The following CELSR1 variants were observed in gnomAD, a reference collection of about 807,000 sequenced individuals.
CELSR1 encodes the protein adhesion G protein-coupled receptor C1.
CELSR1 carries 110 observed loss-of-function variants against 249.1 expected under a neutral mutation model. That is an observed-to-expected ratio of 0.44 (90% CI 0.38 to 0.52). The LOEUF is 0.52. CELSR1 is among the 20% of genes least tolerant of loss of function. The pLI is 0.00. For synonymous variants in CELSR1, 2,113 were observed against 1,900.0 expected (o/e 1.11, Z -2.92); for missense variants, 4,109 against 4,296.4 (o/e 0.96, Z 1.22).
Position 46,516,206 on chromosome 22 carries a change from C to T in CELSR1, c.3544+17421G>A, listed in dbSNP as rs1323774067. Among the ~76,000 whole-genome samples, 6 of 152,276 alleles carry T rather than the reference C, an allele frequency of 3.9e-5. No individual in the cohort carries two copies. The East Asian group carries it at 1.2e-3, about 29-fold the overall frequency. ...ACAATAGCAAAGACTTGGAACCAACCCAAATGTCCACCAATGATAGACTGG... is the reference window on the plus strand; with the variant it reads ...ACAATAGCAAAGACTTGGAACCAACTCAAATGTCCACCAATGATAGACTGG... On this transcript the variant is annotated intron_variant, in intron 1 of 34. Coordinates refer to ENST00000674500, the MANE Select transcript of CELSR1 (RefSeq NM_001378328.1).
At chr22:46,432,200 C>T (rs893781760) in intron 5 of CELSR1, among the ~76,000 whole-genome samples, 17 of 152,092 alleles carry the variant, frequency 1.1e-4, no homozygotes, top group Non-Finnish European at 1.6e-4. Context: ...ATGGGAGGGG[C>T]GGGCCAGGGA....
chr22:46,522,311 A>G (rs927438433), intron 1 of CELSR1, among the ~76,000 whole-genome samples: 2 of 151,706 alleles, frequency 1.3e-5, no homozygotes, highest in Non-Finnish European at 2.9e-5. Context: ...TATTTTGTAT[A>G]TTTTTTTGGT....
chr22:46,433,488 G>A lies in CELSR1; in HGVS notation c.4523-7C>T, dbSNP rs746233665. ...ACGGTCGTTGTTGTCTCGCCTGCAT[G>A]GTGGGAGGGAGACCCAGAGAGAAAA... On this transcript the variant is annotated splice_polypyrimidine_tract_variant and splice_region_variant and intron_variant, in intron 4 of 34. Transcript: ENST00000674500. The surrounding 1 kb of genome is among the most constrained non-coding windows in gnomAD (Gnocchi z 5.7). 2 of 1,612,072 alleles carry A rather than the reference G, an allele frequency of 1.2e-6. No homozygotes were observed. The highest frequency in any genetic ancestry group is 1.7e-6 in the Non-Finnish European group (2 of 1,178,628).
rs2079273855 is a variant in CELSR1, at chr22:46,406,968, A to G, written c.5226+2028T>C. Among the ~76,000 whole-genome samples the G allele has an allele frequency of 6.6e-6, 1 of 152,166 alleles. No individual in the cohort carries two copies. Among genetic ancestry groups the G allele is most frequent in the Non-Finnish European group, 1.5e-5 (1 of 68,028 alleles). Reference sequence around the variant, plus strand: ...TGATGGCGGAGGACACGCAGCCCAGACGCCGCTTTGGGAGGGACTTCCTGA... The same window carrying G: ...TGATGGCGGAGGACACGCAGCCCAGGCGCCGCTTTGGGAGGGACTTCCTGA... On this transcript the variant is annotated intron_variant, in intron 9 of 34. Transcript: ENST00000674500. This position sits in a 1 kb window ranked among gnomAD's most constrained non-coding sequence, Gnocchi z 5.4.
chr22:46,478,248 A>G (rs2147651309), intron 1 of CELSR1, among the ~76,000 whole-genome samples: 1 of 152,322 alleles, frequency 6.6e-6, no homozygotes, highest in Non-Finnish European at 1.5e-5. Flanking sequence ...CTGAGCCCAG[A>G]GATTGACACG....
intron 1 of CELSR1, among the ~76,000 whole-genome samples, chr22:46,528,753 CCT>C: frequency 6.7e-6 from 1 of 149,156 alleles, no homozygotes; most frequent in East Asian, 2.0e-4. Flanking sequence ...ACGGTGAAAC[CCT>C]GTCTCTACTA....
intron 2 of CELSR1, among the ~76,000 whole-genome samples, chr22:46,459,822 G>T (rs1362767310): frequency 6.6e-5 from 10 of 152,190 alleles, no homozygotes; most frequent in African/African-American, 2.2e-4. Context: ...ATTATAAAAT[G>T]GGATCATAGA....
In CELSR1 at chr22:46,468,030, G is replaced by T. The variant is rs114406038; in HGVS notation, c.3545-3685C>A. On this transcript the variant is annotated intron_variant, in intron 1 of 34. Transcript: ENST00000674500. This position sits in a 1 kb window ranked among gnomAD's most constrained non-coding sequence, Gnocchi z 4.5. ...GTCAACCACACCTATGTTCATAGCA[G>T]CGCTATTCACAAGAGCTGAAACATG... 3.6e-3 allele frequency among the ~76,000 whole-genome samples: 552 copies of T among 152,170 alleles called. 4 individuals are homozygous for T. The highest frequency in any genetic ancestry group is 0.013 in the African/African-American group (523 of 41,510).
intron 24 of CELSR1, 89 bp downstream of exon 24, chr22:46,376,972 C>A (rs2078925203): frequency 7.4e-7 from 1 of 1,358,838 alleles, no homozygotes; most frequent in Middle Eastern, 1.9e-4. Context: ...GAGGAGCTAG[C>A]CAGGGTGCTT....
At position 46,430,072 on chromosome 22, in the gene CELSR1, G is replaced by A. The variant is rs896041860; in HGVS notation, c.4611+3321C>T. ...GGGGAAGGGTCCCCGCAGGTTGCAC[G>A]TGGAGGCAGTGCAGGAGGCCACTCT... On this transcript the variant is annotated intron_variant, in intron 5 of 34. Transcript: ENST00000674500. The surrounding 1 kb of genome is among the most constrained non-coding windows in gnomAD (Gnocchi z 4.6). 1.1e-4 allele frequency among the ~76,000 whole-genome samples: 16 copies of A among 152,224 alleles called. No individual in the cohort carries two copies. The highest frequency in any genetic ancestry group is 3.1e-4 in the African/African-American group (13 of 41,458).
intron 5 of CELSR1, among the ~76,000 whole-genome samples, chr22:46,420,075 C>T (rs1001126536): frequency 2.1e-5 from 3 of 141,626 alleles, no homozygotes; most frequent in East Asian, 2.0e-4. Context: ...TGCGCTCATA[C>T]TCACATGTGC....
rs748779903 is a variant in CELSR1 at position 46,464,163 on chromosome 22, A to T, written c.3727T>A (p.Phe1243Ile). 1 of 1,613,778 alleles carries T rather than the reference A, an allele frequency of 6.2e-7. No homozygotes were observed. The highest frequency in any genetic ancestry group is 2.2e-5 in the East Asian group (1 of 44,872). ...GTGTCGTTCTGGACGTTGAAGACGA[A>T]GACGTCGTCCTTGGTGGTGGACAGC... is the stretch of plus-strand genomic sequence containing the variant. ...AVLSTTKDDV[F>I]VFNVQNDTDV... Residue 1243 changes from phenylalanine to isoleucine, a missense_variant, in exon 2 of 35, where the codon TTC becomes ATC. By Grantham distance (21) the Phe-to-Ile change is conservative. Around this residue, in one of 7 missense-constraint regions of CELSR1, gnomAD observed 141 missense variants for 209.4 expected, o/e 0.67. Coordinates refer to ENST00000674500, the MANE Select transcript of CELSR1 (RefSeq NM_001378328.1). The surrounding 1 kb of genome is among the most constrained non-coding windows in gnomAD (Gnocchi z 8.5).
rs143378964 is a variant in CELSR1, at chr22:46,363,710, C to T, written c.9035+286G>A. On this transcript the variant is annotated intron_variant, in intron 34 of 34. Transcript: ENST00000674500. The surrounding 1 kb of genome is among the most constrained non-coding windows in gnomAD (Gnocchi z 4.3). ...CCAGGCGGAGACAATGCTGATCAAACGCAGAGCCCAGCACCTTAGGTCCTA... is the reference window on the plus strand; with the variant it reads ...CCAGGCGGAGACAATGCTGATCAAATGCAGAGCCCAGCACCTTAGGTCCTA... 570 of 476,428 alleles carry T rather than the reference C, an allele frequency of 1.2e-3. 4 individuals are homozygous for T. The highest frequency in any genetic ancestry group is 0.01 in the African/African-American group (514 of 50,798). The allele number at this position is 476,428 out of a possible 1,614,324, so 29.5% of individuals were successfully genotyped here.
Position 46,448,215 on chromosome 22 carries a change from G to T in CELSR1, c.4184-8804C>A, listed in dbSNP as rs1238433836. On this transcript the variant is annotated intron_variant, in intron 2 of 34. Coordinates refer to ENST00000674500, the MANE Select transcript of CELSR1 (RefSeq NM_001378328.1). This position sits in a 1 kb window ranked among gnomAD's most constrained non-coding sequence, Gnocchi z 5.7. ...GAACAAGGAAGGGGGTGCCCAGAGGGTCTCCACATCATTACATGGAGACTC... is the reference window on the plus strand; with the variant it reads ...GAACAAGGAAGGGGGTGCCCAGAGGTTCTCCACATCATTACATGGAGACTC... Among the ~76,000 whole-genome samples, 3 of 152,172 alleles carry T rather than the reference G, an allele frequency of 2.0e-5. No individual in the cohort carries two copies. Among genetic ancestry groups the T allele is most frequent in the Non-Finnish European group, 4.4e-5 (3 of 68,028 alleles).
intron 1 of CELSR1, among the ~76,000 whole-genome samples, chr22:46,474,280 C>T (rs9680535): frequency 0.01 from 1,543 of 152,252 alleles, 32 homozygotes; most frequent in African/African-American, 0.036. Flanking sequence ...GCCCTCCTGA[C>T]ACCCCCAGGA....
Position 46,490,753 on chromosome 22 carries a change from C to A in CELSR1, c.3545-26408G>T, listed in dbSNP as rs2080359711. Among the ~76,000 whole-genome samples, 1 of 152,132 alleles carries A rather than the reference C, an allele frequency of 6.6e-6. No individual in the cohort carries two copies. The highest frequency in any genetic ancestry group is 1.9e-4 in the East Asian group (1 of 5,192). On this transcript the variant is annotated intron_variant, in intron 1 of 34. Transcript: ENST00000674500. The surrounding 1 kb of genome is among the most constrained non-coding windows in gnomAD (Gnocchi z 5.2). ...CAACTCCTGCAGCCACCACAGGGTG[C>A]AGAGTGAGTTTCTGGTTTTGCCGCT...
At position 46,384,609 on chromosome 22, in the gene CELSR1, A is replaced by C; in HGVS notation, c.6817T>G (p.Phe2273Val). Reference sequence around the variant, plus strand: ...ACGGAGGACTCCAGCTCCCTGGGGAACTCTTCATGGATGGTGTCGAATCGC... The same window carrying C: ...ACGGAGGACTCCAGCTCCCTGGGGACCTCTTCATGGATGGTGTCGAATCGC... ...VPRFDTIHEE[F>V]PRELESSVSF... is the part of the protein sequence containing the mutation. Residue 2273 changes from phenylalanine (F) to valine (V), a missense_variant, in exon 20 of 35, where the codon TTC (phenylalanine) becomes GTC (valine). Around this residue, in one of 7 missense-constraint regions of CELSR1, gnomAD observed 1,805 missense variants for 1,831.6 expected, o/e 0.99. Coordinates refer to ENST00000674500, the MANE Select transcript of CELSR1 (RefSeq NM_001378328.1). 3.7e-6 allele frequency: 6 copies of C among 1,613,670 alleles called. No homozygotes were observed. Among genetic ancestry groups the C allele is most frequent in the Non-Finnish European group, 5.1e-6 (6 of 1,179,850 alleles).
intron 1 of CELSR1, among the ~76,000 whole-genome samples, chr22:46,481,937 T>A (rs956546475): frequency 2.0e-5 from 3 of 152,132 alleles, no homozygotes; most frequent in African/African-American, 4.8e-5. Flanking sequence ...CAAGCCTGGC[T>A]AATTTTTGTA....
intron 33 of CELSR1, 91 bp downstream of exon 33, chr22:46,364,421 A>ACCAGCC (rs991841432): frequency 4.0e-6 from 6 of 1,504,202 alleles, no homozygotes; most frequent in Non-Finnish European, 5.4e-6. Flanking sequence ...GACTTGCCCC[A>ACCAGCC]CCAGCCCCAG....
Sources: allele counts gnomAD v4.1 joint callset (sites outside exome capture counted in the v4.1 genomes callset), GRCh38; gene constraint gnomAD v4.1.1; regional missense constraint gnomAD v4.1.1; non-coding constraint Gnocchi (gnomAD v3.1); transcripts MANE v1.5; gene names NCBI Gene and HGNC (gene_info 2026-07-23, HGNC 2026-07-21).